PTPRK: variants seen among roughly 807,000 people sequenced by gnomAD.
PTPRK encodes the protein receptor-type tyrosine-protein phosphatase kappa.
A neutral mutation model predicts 178.0 loss-of-function variants in PTPRK; 75 were observed. That is an observed-to-expected ratio of 0.42 (90% CI 0.35 to 0.51). The LOEUF (loss-of-function observed/expected upper bound fraction) is 0.51. PTPRK is among the 20% of genes least tolerant of loss of function. The probability of loss-of-function intolerance (pLI) is 0.02; values close to 1 mark genes in which losing one functional copy is unlikely to be tolerated. For missense variants in PTPRK, 1,441 were observed against 1,797.8 expected, an observed-to-expected ratio of 0.80 and a Z score of 3.59; for synonymous variants, 637 against 620.6, an observed-to-expected ratio of 1.03 and a Z score of -0.39.
At chr6:128,486,820 AGAAGGAAGGAAG>A (rs555080760) in intron 1 of PTPRK, among the ~76,000 whole-genome samples, 4 of 149,448 alleles carry the variant, frequency 2.7e-5, no homozygotes, top group African/African-American at 9.9e-5. Context: ...AAGGAAGGAA[AGAAGGAAGGAAG>A]GAAGGAAGAA....
chr6:128,223,012 C>T (rs760916250), intron 5 of PTPRK, among the ~76,000 whole-genome samples: 4 of 152,056 alleles, frequency 2.6e-5, no homozygotes, highest in Non-Finnish European at 4.4e-5. Context: ...TGGATACTGC[C>T]TCAAAAACTC....
intron 7 of PTPRK, among the ~76,000 whole-genome samples, chr6:128,139,718 A>G (rs1256599947): frequency 6.6e-6 from 1 of 151,996 alleles, no homozygotes; most frequent in African/African-American, 2.4e-5. Flanking sequence ...AGTCATCTGG[A>G]CTTCAGAATC....
At chr6:128,479,728 G>GA (rs1176264980) in intron 1 of PTPRK, among the ~76,000 whole-genome samples, 1 of 152,038 alleles carries the variant, frequency 6.6e-6, no homozygotes, top group Non-Finnish European at 1.5e-5. Flanking sequence ...ATTAAAAGGA[G>GA]AAAAAAGCTT....
At chr6:128,464,655 A>ATATATATATATC (rs1849596523) in intron 1 of PTPRK, among the ~76,000 whole-genome samples, 1 of 105,856 alleles carries the variant, frequency 9.4e-6, no homozygotes, top group Non-Finnish European at 1.9e-5. Context: ...ATATATATAT[A>ATATATATATATC]TATATATATA....
At chr6:128,438,549 G>A (rs1845904487) in intron 1 of PTPRK, among the ~76,000 whole-genome samples, 1 of 152,176 alleles carries the variant, frequency 6.6e-6, no homozygotes, top group African/African-American at 2.4e-5. Context: ...ACTACTTCTA[G>A]CTCTCTTCAT....
chr6:128,189,196 A>G (rs888221712), intron 6 of PTPRK, among the ~76,000 whole-genome samples: 3 of 147,052 alleles, frequency 2.0e-5, no homozygotes, highest in Non-Finnish European at 3.0e-5. Context: ...ATTATTTAAG[A>G]GTTAATAATT....
intron 7 of PTPRK, among the ~76,000 whole-genome samples, chr6:128,135,078 T>TCACACA (rs34254716): frequency 0.018 from 2,389 of 136,354 alleles, 58 homozygotes; most frequent in African/African-American, 0.058. Context: ...AATCATTCAA[T>TCACACA]CACACACACA....
intron 1 of PTPRK, among the ~76,000 whole-genome samples, chr6:128,510,889 A>G (rs1473207866): frequency 6.6e-6 from 1 of 151,968 alleles, no homozygotes; most frequent in African/African-American, 2.4e-5. Context: ...TTAATATATG[A>G]TACATATATA....
At position 128,254,929 on chromosome 6, in the gene PTPRK, G is replaced by A. The variant is rs558137182; in HGVS notation, c.496-12327C>T. 1.9e-4 allele frequency among the ~76,000 whole-genome samples: 29 copies of A among 152,244 alleles called. No homozygotes were observed. The East Asian group carries it at 3.1e-3, about 16-fold the overall frequency. On this transcript the variant is annotated intron_variant, in intron 3 of 29. Coordinates refer to ENST00000368226, the MANE Select transcript of PTPRK (RefSeq NM_002844.4). Reference sequence around the variant, plus strand: ...GCTTGAAACTCTACTTTTAAAATGGGCCTGATTCATAGACCAATGTTGTTA... The same window carrying A: ...GCTTGAAACTCTACTTTTAAAATGGACCTGATTCATAGACCAATGTTGTTA...
intron 2 of PTPRK, among the ~76,000 whole-genome samples, chr6:128,350,719 C>T (rs945235007): frequency 6.6e-6 from 1 of 152,080 alleles, no homozygotes; most frequent in Non-Finnish European, 1.5e-5. Context: ...GTCCATGAGG[C>T]CAAAATATGT....
intron 2 of PTPRK, among the ~76,000 whole-genome samples, chr6:128,385,784 G>A (rs1838623621): frequency 6.6e-6 from 1 of 152,102 alleles, no homozygotes; most frequent in South Asian, 2.1e-4. Context: ...CAAAGATCAG[G>A]TACATCTAAC....
At chr6:128,044,764 CT>C (rs997551434) in intron 13 of PTPRK, among the ~76,000 whole-genome samples, 5 of 151,988 alleles carry the variant, frequency 3.3e-5, no homozygotes, top group South Asian at 2.1e-4. Flanking sequence ...TTATACTGCT[CT>C]TTTTTTCTTC....
chr6:128,508,484 A>G (rs1026760023), intron 1 of PTPRK, among the ~76,000 whole-genome samples: 10 of 152,252 alleles, frequency 6.6e-5, no homozygotes, highest in African/African-American at 1.2e-4. Flanking sequence ...TATGATATAT[A>G]TAAGTACTTA....
At chr6:128,384,307 A>G (rs1325690866) in intron 2 of PTPRK, among the ~76,000 whole-genome samples, 1 of 152,222 alleles carries the variant, frequency 6.6e-6, no homozygotes, top group Non-Finnish European at 1.5e-5. Context: ...TTTAAAAACC[A>G]AATTTAATGG....
chr6:128,350,545 C>T (rs897278159), intron 2 of PTPRK, among the ~76,000 whole-genome samples: 7 of 152,126 alleles, frequency 4.6e-5, no homozygotes, highest in Non-Finnish European at 1.0e-4. Flanking sequence ...GGCTTCCAAA[C>T]AGATGGATGA....
intron 13 of PTPRK, among the ~76,000 whole-genome samples, chr6:128,038,901 A>C (rs1776687558): frequency 6.6e-6 from 1 of 152,200 alleles, no homozygotes; most frequent in Admixed American, 6.5e-5. Context: ...TGTTATGATG[A>C]AACATCACAA....
chr6:128,022,131 A>G (rs944807337), intron 13 of PTPRK, among the ~76,000 whole-genome samples: 1 of 152,200 alleles, frequency 6.6e-6, no homozygotes, highest in Non-Finnish European at 1.5e-5. Context: ...GAGTTTTACA[A>G]TGTAAATGCA....
At chr6:128,463,249 T>C (rs951566895) in intron 1 of PTPRK, among the ~76,000 whole-genome samples, 1 of 152,224 alleles carries the variant, frequency 6.6e-6, no homozygotes, top group South Asian at 2.1e-4. Flanking sequence ...AGTCAAGCAC[T>C]GCCCTTCCAA....
At chr6:128,064,430 CA>C (rs1177920098) in intron 13 of PTPRK, among the ~76,000 whole-genome samples, 2 of 152,148 alleles carry the variant, frequency 1.3e-5, no homozygotes, top group Admixed American at 1.3e-4. Context: ...GGTTTTTAAA[CA>C]AGCAACTTGC....
Sources: allele counts gnomAD v4.1 joint callset (sites outside exome capture counted in the v4.1 genomes callset), GRCh38; gene constraint gnomAD v4.1.1; transcripts MANE v1.5; gene names NCBI Gene and HGNC (gene_info 2026-07-23, HGNC 2026-07-21).